Variants in CWC27 observed in about 807,000 individuals in gnomAD.
CWC27 encodes the protein spliceosome-associated protein CWC27 homolog.
In CWC27, 47 loss-of-function variants were observed where a neutral mutation model predicts 63.6. That is an observed-to-expected ratio of 0.74 (90% CI 0.58 to 0.94). The LOEUF (loss-of-function observed/expected upper bound fraction) is 0.94, where lower values mean the gene tolerates loss of function less well. CWC27 is among the 40% of genes least tolerant of loss of function. The pLI, the probability that CWC27 is intolerant of heterozygous loss-of-function variation, is 0.00. For synonymous variants in CWC27, 175 were observed against 179.8 expected (o/e 0.97, Z 0.22); for missense variants, 495 against 554.3 (o/e 0.89, Z 1.07).
intron 10 of CWC27, among the ~76,000 whole-genome samples, chr5:64,832,834 T>C (rs1018901538): frequency 2.6e-5 from 4 of 151,776 alleles, no homozygotes; most frequent in Admixed American, 2.6e-4. Flanking sequence ...TTTAATATTA[T>C]TAAAATACTA....
At chr5:64,863,953 T>G (rs1746477010) in intron 10 of CWC27, among the ~76,000 whole-genome samples, 1 of 152,234 alleles carries the variant, frequency 6.6e-6, no homozygotes, top group African/African-American at 2.4e-5. Context: ...TGCAAAATAA[T>G]TATTTTCTGT....
intron 11 of CWC27, among the ~76,000 whole-genome samples, chr5:64,934,146 A>C (rs1311493970): frequency 6.6e-6 from 1 of 152,170 alleles, no homozygotes; most frequent in Non-Finnish European, 1.5e-5. Context: ...ATACATGTGC[A>C]GAACGTGCAG....
At chr5:64,950,338 T>C (rs1308620789) in intron 11 of CWC27, among the ~76,000 whole-genome samples, 1 of 125,008 alleles carries the variant, frequency 8.0e-6, no homozygotes, top group Non-Finnish European at 1.8e-5. Context: ...TTCTGCCTCA[T>C]TGAAAAACTA....
intron 10 of CWC27, among the ~76,000 whole-genome samples, chr5:64,840,379 AAAAAAAAAAAAAAAAATATAT>A (rs1462006183): frequency 2.8e-5 from 2 of 70,214 alleles, no homozygotes; most frequent in African/African-American, 1.2e-4. Context: ...AAAAAAAAAA[AAAAAAAAAAAAAAAAATATAT>A]ATATATATAT....
chr5:64,779,575 A>C (rs1200903512), intron 2 of CWC27, among the ~76,000 whole-genome samples: 1 of 152,224 alleles, frequency 6.6e-6, no homozygotes, highest in African/African-American at 2.4e-5. Context: ...ACAGTTCAAC[A>C]TCATTTAGTA....
intron 7 of CWC27, among the ~76,000 whole-genome samples, chr5:64,796,750 TCC>T (rs1561411102): frequency 1.7e-5 from 1 of 57,880 alleles, no homozygotes; most frequent in South Asian, 7.3e-4. Flanking sequence ...TCCTCCTCCC[TCC>T]CTCCCTCCCT....
At chr5:65,001,214 T>G (rs1749726415) in intron 13 of CWC27, among the ~76,000 whole-genome samples, 1 of 152,116 alleles carries the variant, frequency 6.6e-6, no homozygotes, top group South Asian at 2.1e-4. Context: ...GCTCTAAAAG[T>G]GTTTTGTGGA....
At chr5:64,857,067 G>A (rs902296646) in intron 10 of CWC27, among the ~76,000 whole-genome samples, 4 of 152,258 alleles carry the variant, frequency 2.6e-5, no homozygotes, top group African/African-American at 9.6e-5. Flanking sequence ...GTACCATATT[G>A]GAGATGTTAT....
chr5:65,010,337 G>A (rs1190803502), intron 13 of CWC27, among the ~76,000 whole-genome samples: 1 of 152,166 alleles, frequency 6.6e-6, no homozygotes, highest in Non-Finnish European at 1.5e-5. Flanking sequence ...GGCAAAACTT[G>A]AAAATTGTTT....
At chr5:64,956,552 C>T (rs568583476) in intron 11 of CWC27, among the ~76,000 whole-genome samples, 1 of 152,112 alleles carries the variant, frequency 6.6e-6, no homozygotes, top group Non-Finnish European at 1.5e-5. Context: ...TTCCCTCTCC[C>T]TTCTCTGCAT....
At chr5:64,892,264 C>T (rs1747256603) in intron 11 of CWC27, among the ~76,000 whole-genome samples, 1 of 151,944 alleles carries the variant, frequency 6.6e-6, no homozygotes. Flanking sequence ...GCAATTTGTC[C>T]TCCTATTACT....
chr5:64,809,033 A>G (rs1288278124), intron 10 of CWC27, among the ~76,000 whole-genome samples: 3 of 152,180 alleles, frequency 2.0e-5, no homozygotes, highest in Admixed American at 6.6e-5. Context: ...CCATATACCC[A>G]TCACCCAGAT....
rs375641215 is a variant in CWC27, at chr5:64,823,235, G to A, written c.938+18849G>A. ...ATGGCCTGTGATTATAAAGTTGAAA[G>A]TACCATTGATACCACACAGTCCAGT... On this transcript the variant is annotated intron_variant, in intron 10 of 13. Coordinates refer to ENST00000381070, the MANE Select transcript of CWC27 (RefSeq NM_005869.4). 5.9e-5 allele frequency among the ~76,000 whole-genome samples: 9 copies of A among 152,170 alleles called. No individual in the cohort carries two copies. The East Asian group carries it at 1.7e-3, about 29-fold the overall frequency.
At chr5:64,832,875 C>G (rs2367116) in intron 10 of CWC27, among the ~76,000 whole-genome samples, 53,366 of 151,350 alleles carry the variant, frequency 0.35, 9,861 homozygotes, top group East Asian at 0.51. Flanking sequence ...GAAATGATTT[C>G]AGAGTTTCCC....
At chr5:64,901,734 G>A (rs1013197477) in intron 11 of CWC27, among the ~76,000 whole-genome samples, 1 of 152,096 alleles carries the variant, frequency 6.6e-6, no homozygotes, top group African/African-American at 2.4e-5. Context: ...TAACTTGACT[G>A]TTTTGTAATC....
chr5:64,983,353 C>A (rs1182063850), intron 13 of CWC27, among the ~76,000 whole-genome samples: 1 of 152,176 alleles, frequency 6.6e-6, no homozygotes, highest in Non-Finnish European at 1.5e-5. Context: ...TCTCACACTT[C>A]ATGTATTCTC....
At chr5:64,828,968 G>A (rs1181039577) in intron 10 of CWC27, among the ~76,000 whole-genome samples, 24 of 152,050 alleles carry the variant, frequency 1.6e-4, no homozygotes, top group Admixed American at 1.6e-3. Flanking sequence ...TGAGGTATAT[G>A]GTAAATATTC....
chr5:64,883,343 G>A (rs1343593052), intron 10 of CWC27, among the ~76,000 whole-genome samples: 1 of 152,148 alleles, frequency 6.6e-6, no homozygotes, highest in African/African-American at 2.4e-5. Context: ...GCAGAAATTT[G>A]TAGAAGATAG....
intron 13 of CWC27, among the ~76,000 whole-genome samples, chr5:64,997,237 A>G (rs539093861): frequency 6.6e-6 from 1 of 152,180 alleles, no homozygotes; most frequent in Non-Finnish European, 1.5e-5. Flanking sequence ...TTGAATCCCA[A>G]CTTGGAAACT....
Sources: gnomAD v4.1 joint callset for allele counts (sites outside exome capture counted in the v4.1 genomes callset) on GRCh38, gnomAD v4.1.1 for gene constraint, MANE v1.5 for transcripts, NCBI Gene and HGNC (gene_info 2026-07-23, HGNC 2026-07-21) for gene names.